The following CADPS2 variants were observed in gnomAD, a reference collection of about 807,000 sequenced individuals.
The protein encoded by CADPS2 is calcium-dependent secretion activator 2.
Under a neutral mutation model 172.5 loss-of-function variants are expected in CADPS2, and 93 were observed. That is an observed-to-expected ratio of 0.54 (90% CI 0.46 to 0.64). CADPS2 has a LOEUF of 0.64. CADPS2 is among the 30% of genes least tolerant of loss of function. CADPS2 has a pLI of 0.00. For missense variants in CADPS2, 1,420 were observed against 1,565.9 expected (o/e 0.91, Z 1.57); for synonymous variants, 546 against 555.2 (o/e 0.98, Z 0.23).
At chr7:122,343,363 A>G (rs988653419) in intron 28 of CADPS2, among the ~76,000 whole-genome samples, 4 of 152,198 alleles carry the variant, frequency 2.6e-5, no homozygotes, top group Non-Finnish European at 5.9e-5. Context: ...TCAGATGCTT[A>G]GGCATTGAAT....
chr7:122,828,799 A>G (rs1227037314), intron 1 of CADPS2, among the ~76,000 whole-genome samples: 1 of 152,172 alleles, frequency 6.6e-6, no homozygotes, highest in Non-Finnish European at 1.5e-5. Flanking sequence ...TTTACTGGAT[A>G]CAACACCTGC....
At chr7:122,334,019 T>TACAC (rs1294064429) in intron 28 of CADPS2, among the ~76,000 whole-genome samples, 2 of 152,012 alleles carry the variant, frequency 1.3e-5, no homozygotes, top group African/African-American at 4.8e-5. Context: ...AATAATTAAA[T>TACAC]ACACGTTAAA....
At chr7:122,621,199 T>C (rs913688805) in intron 5 of CADPS2, among the ~76,000 whole-genome samples, 4 of 152,020 alleles carry the variant, frequency 2.6e-5, no homozygotes, top group Non-Finnish European at 4.4e-5. Context: ...CCAATGCTCA[T>C]CTTATTTTAT....
chr7:122,328,157 ACACG>A (rs1554431010), intron 28 of CADPS2, among the ~76,000 whole-genome samples: 283 of 110,146 alleles, frequency 2.6e-3, no homozygotes, highest in African/African-American at 8.2e-3. Context: ...ACACACACAC[ACACG>A]CACGCACACA....
chr7:122,531,527 G>T (rs2061752201), intron 8 of CADPS2, among the ~76,000 whole-genome samples: 1 of 152,182 alleles, frequency 6.6e-6, no homozygotes, highest in Admixed American at 6.5e-5. Flanking sequence ...AAGAGAATGA[G>T]TAGAGTCCCT....
intron 3 of CADPS2, among the ~76,000 whole-genome samples, chr7:122,651,772 C>G (rs2079171868): frequency 6.6e-6 from 1 of 151,970 alleles, no homozygotes; most frequent in African/African-American, 2.4e-5. Flanking sequence ...CAGAAAAGAG[C>G]AGGGTCTAGA....
chr7:122,445,673 C>T (rs148626976), intron 15 of CADPS2, among the ~76,000 whole-genome samples: 29 of 152,018 alleles, frequency 1.9e-4, no homozygotes, highest in Non-Finnish European at 4.0e-4. Flanking sequence ...ATATTATCTG[C>T]GCATGGTGGC....
intron 24 of CADPS2, among the ~76,000 whole-genome samples, chr7:122,385,605 C>T (rs577322669): frequency 8.5e-5 from 13 of 152,108 alleles, no homozygotes; most frequent in South Asian, 4.1e-4. Flanking sequence ...CAATCCTTTA[C>T]GCATAAAGGT....
intron 3 of CADPS2, among the ~76,000 whole-genome samples, chr7:122,643,818 C>T (rs764385924): frequency 1.8e-4 from 27 of 152,020 alleles, no homozygotes; most frequent in Admixed American, 2.0e-4. Context: ...GGACTTGGCA[C>T]GGTAGCTTAT....
At chr7:122,713,877 T>C (rs2089184024) in intron 2 of CADPS2, among the ~76,000 whole-genome samples, 1 of 152,042 alleles carries the variant, frequency 6.6e-6, no homozygotes, top group African/African-American at 2.4e-5. Context: ...TCTTTTTTGT[T>C]CCCTCACATC....
chr7:122,622,982 C>T lies in CADPS2; in HGVS notation c.868-1265G>A, dbSNP rs552944603. 7.9e-5 allele frequency among the ~76,000 whole-genome samples: 12 copies of T among 152,266 alleles called. No individual in the cohort carries two copies. In the South Asian group the frequency reaches 2.5e-3, roughly 32 times the overall value. On this transcript the variant is annotated intron_variant, in intron 4 of 29. Transcript: ENST00000449022. ...AGATCAGTCCCAGAGTCTCAGGCCA[C>T]CTGCTTTTCTTCTCCTCCAATATAA...
chr7:122,339,841 C>T (rs1211928434), intron 28 of CADPS2, among the ~76,000 whole-genome samples: 1 of 152,078 alleles, frequency 6.6e-6, no homozygotes, highest in Non-Finnish European at 1.5e-5. Context: ...GCCGAGATTC[C>T]ACCATTGCAC....
chr7:122,706,809 CACATATATATATAT>C (rs1220032460), intron 2 of CADPS2, among the ~76,000 whole-genome samples: 1 of 148,868 alleles, frequency 6.7e-6, no homozygotes, highest in Admixed American at 6.8e-5. Flanking sequence ...TACACACACA[CACATATATATATAT>C]GTATGTACAC....
chr7:122,831,463 T>C (rs1806532240), intron 1 of CADPS2, among the ~76,000 whole-genome samples: 2 of 152,234 alleles, frequency 1.3e-5, no homozygotes, highest in Non-Finnish European at 1.5e-5. Context: ...GTATTTCAAT[T>C]GGAGACATGT....
At chr7:122,790,643 T>C (rs1227644589) in intron 1 of CADPS2, among the ~76,000 whole-genome samples, 4 of 152,164 alleles carry the variant, frequency 2.6e-5, no homozygotes, top group Non-Finnish European at 5.9e-5. Flanking sequence ...TTAATCCATA[T>C]GAAATGTTTT....
intron 11 of CADPS2, among the ~76,000 whole-genome samples, chr7:122,489,396 G>A (rs1004079850): frequency 1.3e-5 from 2 of 151,988 alleles, no homozygotes; most frequent in African/African-American, 2.4e-5. Context: ...ATTTATTACA[G>A]GTAAAACAGG....
chr7:122,568,866 T>G (rs1219860182), intron 7 of CADPS2, among the ~76,000 whole-genome samples: 1 of 152,112 alleles, frequency 6.6e-6, no homozygotes, highest in African/African-American at 2.4e-5. Flanking sequence ...TTTTTGTTCT[T>G]TGAAATATGA....
chr7:122,778,397 GATTTTCT>G (rs899687240), intron 1 of CADPS2, among the ~76,000 whole-genome samples: 2 of 152,172 alleles, frequency 1.3e-5, no homozygotes, highest in Admixed American at 6.5e-5. Context: ...AAGAAAAACT[GATTTTCT>G]GGGGAGAAAG....
intron 6 of CADPS2, among the ~76,000 whole-genome samples, chr7:122,586,996 A>T (rs753600820): frequency 6.6e-6 from 1 of 151,890 alleles, no homozygotes; most frequent in Non-Finnish European, 1.5e-5. Context: ...CAAATGCATC[A>T]CTAATTTTAT....
Sources: gnomAD v4.1 joint callset for allele counts (sites outside exome capture counted in the v4.1 genomes callset) on GRCh38, gnomAD v4.1.1 for gene constraint, MANE v1.5 for transcripts, NCBI Gene and HGNC (gene_info 2026-07-23, HGNC 2026-07-21) for gene names.